Variants in CAPN13 observed in about 807,000 individuals in gnomAD.
CAPN13 encodes calpain-13.
In CAPN13, 90 loss-of-function variants were observed where a neutral mutation model predicts 98.4. The ratio of observed to expected loss-of-function variants is 0.92; its 90% CI spans 0.77 to 1.09. The LOEUF is 1.09. Among genes scored for constraint, CAPN13 ranks in the 50% least tolerant of loss-of-function variants. The pLI, the probability that CAPN13 is intolerant of heterozygous loss-of-function variation, is 0.00. For synonymous variants in CAPN13, 330 were observed against 305.5 expected, an observed-to-expected ratio of 1.08 and a Z score of -0.84; for missense variants, 887 against 841.3, an observed-to-expected ratio of 1.05 and a Z score of -0.67.
intron 13 of CAPN13, chr2:30,743,151 C>A (rs897420412): frequency 1.8e-6 from 1 of 558,498 alleles, no homozygotes; most frequent in Non-Finnish European, 3.2e-6. Flanking sequence ...CCTCCCGTGC[C>A]ACTTTGCATT....
chr2:30,726,859 A>G (rs1037543862), intron 22 of CAPN13, among the ~76,000 whole-genome samples: 2 of 152,186 alleles, frequency 1.3e-5, no homozygotes, highest in African/African-American at 2.4e-5. Context: ...TAAAATTTAT[A>G]TGTAAATGCA....
intron 22 of CAPN13, among the ~76,000 whole-genome samples, chr2:30,730,386 T>A (rs1671023730): frequency 6.6e-6 from 1 of 152,072 alleles, no homozygotes; most frequent in African/African-American, 2.4e-5. Flanking sequence ...TTCTACCATT[T>A]CTGTTGCTCT....
chr2:30,754,754 TC>T (rs1672360341), intron 8 of CAPN13, among the ~76,000 whole-genome samples: 1 of 152,082 alleles, frequency 6.6e-6, no homozygotes, highest in African/African-American at 2.4e-5. Flanking sequence ...CATTGATTGA[TC>T]CTACCTCTTA....
chr2:30,779,884 A>G (rs931943541), intron 2 of CAPN13, among the ~76,000 whole-genome samples: 4 of 152,138 alleles, frequency 2.6e-5, no homozygotes. Flanking sequence ...AAAAACCACA[A>G]TTACTTTTGC....
chr2:30,759,856 C>T (rs913289566), intron 7 of CAPN13, among the ~76,000 whole-genome samples: 10 of 152,182 alleles, frequency 6.6e-5, no homozygotes, highest in African/African-American at 2.2e-4. Flanking sequence ...AATTCCCATG[C>T]TCAGCAGTGG....
chr2:30,748,055 C>T (rs538030781), intron 11 of CAPN13, among the ~76,000 whole-genome samples: 48 of 152,336 alleles, frequency 3.2e-4, no homozygotes, highest in African/African-American at 1.1e-3. Flanking sequence ...CCATGGTCAC[C>T]CATGTGAACA....
At chr2:30,786,294 T>G (rs1484473864) in intron 2 of CAPN13, among the ~76,000 whole-genome samples, 1 of 152,238 alleles carries the variant, frequency 6.6e-6, no homozygotes, top group Non-Finnish European at 1.5e-5. Flanking sequence ...TTTATCTCAT[T>G]CTAGGTTATG....
chr2:30,785,822 C>T (rs1472819011), intron 2 of CAPN13, among the ~76,000 whole-genome samples: 2 of 152,164 alleles, frequency 1.3e-5, no homozygotes, highest in Admixed American at 6.5e-5. Context: ...CCTTTTGGAA[C>T]TTCTTTAAAT....
intron 18 of CAPN13, among the ~76,000 whole-genome samples, chr2:30,735,986 T>A (rs960445465): frequency 6.6e-6 from 1 of 152,010 alleles, no homozygotes; most frequent in Non-Finnish European, 1.5e-5. Flanking sequence ...TCCTTTAGAC[T>A]TGTATTGGAG....
At chr2:30,784,734 A>G (rs1674172489) in intron 2 of CAPN13, among the ~76,000 whole-genome samples, 1 of 152,224 alleles carries the variant, frequency 6.6e-6, no homozygotes, top group South Asian at 2.1e-4. Flanking sequence ...TTCCAGCTCT[A>G]GTATCATCTA....
chr2:30,784,408 G>A (rs553391591), intron 2 of CAPN13, among the ~76,000 whole-genome samples: 61 of 152,244 alleles, frequency 4.0e-4, no homozygotes, highest in Middle Eastern at 6.8e-3. Context: ...ACAAAAACTA[G>A]TGTTTACTTA....
intron 10 of CAPN13, among the ~76,000 whole-genome samples, chr2:30,751,655 G>T (rs1672180747): frequency 6.6e-6 from 1 of 152,200 alleles, no homozygotes; most frequent in Non-Finnish European, 1.5e-5. Flanking sequence ...GGCAATTACA[G>T]TACTCTTCTA....
chr2:30,736,436 A>T, intron 18 of CAPN13, 67 bp downstream of exon 18: 2 of 1,469,278 alleles, frequency 1.4e-6, no homozygotes, highest in Non-Finnish European at 1.9e-6. Flanking sequence ...GTGCAGGGTT[A>T]GACACCCAGT....
chr2:30,729,501 A>C (rs1400717614), intron 22 of CAPN13: 2 of 152,246 alleles, frequency 1.3e-5, no homozygotes, highest in Non-Finnish European at 2.9e-5. Flanking sequence ...ATTAGCTTAA[A>C]TATACAATTG....
chr2:30,787,235 T>C lies in CAPN13; in HGVS notation c.91A>G (p.Met31Val), dbSNP rs756367275. The change falls in exon 2 of 23, where the codon ATG becomes GTG. Residue 31 changes from methionine (M) to valine (V), a missense_variant. Met to Val is a conservative substitution (Grantham distance 21). Coordinates refer to ENST00000295055, the MANE Select transcript of CAPN13 (RefSeq NM_144575.3). ...GTCTCATCCTTAAACGTCCGGCCCA[T>C]GCTCAGGCAGTGATCCCGCAAGGTG... is the stretch of plus-strand genomic sequence containing the variant. Reference protein sequence around the residue: ...FTTLRDHCLSMGRTFKDETFP... With the variant: ...FTTLRDHCLSVGRTFKDETFP... 7 of 1,612,580 alleles carry C rather than the reference T, an allele frequency of 4.3e-6. No individual in the cohort carries two copies. In the East Asian group the frequency reaches 6.7e-5, roughly 15 times the overall value.
intron 3 of CAPN13, among the ~76,000 whole-genome samples, chr2:30,776,504 C>T (rs1289433902): frequency 2.0e-5 from 3 of 152,150 alleles, no homozygotes; most frequent in Non-Finnish European, 4.4e-5. Context: ...TGAGCCAGCA[C>T]GTCCAGCCTC....
chr2:30,743,993 T>G (rs1377888899), intron 12 of CAPN13, among the ~76,000 whole-genome samples: 1 of 152,242 alleles, frequency 6.6e-6, no homozygotes, highest in Non-Finnish European at 1.5e-5. Context: ...ATTACAGAAT[T>G]GAATTCTTTT....
rs579016 is a variant in CAPN13 at position 30,764,123 on chromosome 2, G to C, written c.699+9C>G. 5 of 1,557,222 alleles carry C rather than the reference G, an allele frequency of 3.2e-6. No individual in the cohort carries two copies. Among genetic ancestry groups the C allele is most frequent in the Non-Finnish European group, 4.3e-6 (5 of 1,150,260 alleles). ...TGAACTGGTGCAAAAGGGCTCCCCA[G>C]TGACTTACCCCACTTGGAGTGGCAC... On this transcript the variant is annotated intron_variant, in intron 6 of 22. Coordinates refer to ENST00000295055, the MANE Select transcript of CAPN13 (RefSeq NM_144575.3).
rs1488077503 is a variant in CAPN13 at position 30,807,410 on chromosome 2, G to C, written c.-141C>G. 1 of 152,434 alleles carries C rather than the reference G, an allele frequency of 6.6e-6. No homozygotes were observed. The highest frequency in any genetic ancestry group is 1.5e-5 in the Non-Finnish European group (1 of 68,324). 9.4% of individuals were successfully genotyped at this position (152,434 alleles called of 1,614,324 possible). ...ACTGGCAGAGGAGGAGAGCATGGCC[G>C]GCCGTCTTGGAGAAAGAGCAGTGCT... On this transcript the variant is annotated 5_prime_UTR_variant, in exon 1 of 23. Transcript: ENST00000295055.
Sources: allele counts gnomAD v4.1 joint callset (sites outside exome capture counted in the v4.1 genomes callset), GRCh38; gene constraint gnomAD v4.1.1; transcripts MANE v1.5; gene names NCBI Gene and HGNC (gene_info 2026-07-23, HGNC 2026-07-21).